The following ADAM2 variants were observed in gnomAD, a reference collection of about 807,000 sequenced individuals.
The protein encoded by ADAM2 is ADAM metallopeptidase domain 2, also known as disintegrin and metalloproteinase domain-containing protein 2.
A neutral mutation model predicts 99.3 loss-of-function variants in ADAM2; 101 were observed. The ratio of observed to expected loss-of-function variants is 1.02; its 90% CI spans 0.87 to 1.20. The LOEUF (loss-of-function observed/expected upper bound fraction) is 1.20, where lower values mean the gene tolerates loss of function less well. Among genes scored for constraint, ADAM2 ranks in the 50% most tolerant of loss-of-function variants. The pLI is 0.00. For missense variants in ADAM2, 948 were observed against 878.7 expected (o/e 1.08, Z -1.00); for synonymous variants, 323 against 287.6 (o/e 1.12, Z -1.25).
intron 5 of ADAM2, among the ~76,000 whole-genome samples, 181 bp from the exon 6 acceptor site, chr8:39,821,351 C>T (rs1305624357): frequency 6.6e-6 from 1 of 152,090 alleles, no homozygotes; most frequent in Non-Finnish European, 1.5e-5. Flanking sequence ...CATAGTAATG[C>T]TGTTAGCATT....
chr8:39,828,160 A>G lies in ADAM2; in HGVS notation c.189-3263T>C, dbSNP rs148622565. On this transcript the variant is annotated intron_variant, in intron 3 of 20. Coordinates refer to ENST00000265708, the MANE Select transcript of ADAM2 (RefSeq NM_001464.5). ...GATAGAAGCACAGAAATGTAGGGAGAACTAAAGATCACCAGAATTGGTAAA... is the reference window on the plus strand; with the variant it reads ...GATAGAAGCACAGAAATGTAGGGAGGACTAAAGATCACCAGAATTGGTAAA... Among the ~76,000 whole-genome samples the G allele has an allele frequency of 2.9e-3, 441 of 152,074 alleles. 3 individuals carry two copies. Among genetic ancestry groups the G allele is most frequent in the Non-Finnish European group, 4.8e-3 (323 of 67,836 alleles).
At chr8:39,792,921 C>A (rs1427221521) in intron 7 of ADAM2, among the ~76,000 whole-genome samples, 3 of 152,034 alleles carry the variant, frequency 2.0e-5, no homozygotes, top group African/African-American at 7.2e-5. Flanking sequence ...CAAACTGGGT[C>A]GGGAAGACAG....
At chr8:39,802,215 CTGGGGGGAGGGGATTCCCCT>C (rs1804245008) in intron 7 of ADAM2, among the ~76,000 whole-genome samples, 1 of 152,162 alleles carries the variant, frequency 6.6e-6, no homozygotes. Flanking sequence ...CCTCCCTTGG[CTGGGGGGAGGGGATTCCCCT>C]TCCCCGTGCG....
At chr8:39,760,488 G>A (rs1481696236) in intron 15 of ADAM2, among the ~76,000 whole-genome samples, 1 of 152,096 alleles carries the variant, frequency 6.6e-6, no homozygotes, top group Admixed American at 6.5e-5. Context: ...TTGGGAGGCC[G>A]AGGCAGGTGG....
At chr8:39,790,537 A>T (rs1013957913) in intron 7 of ADAM2, among the ~76,000 whole-genome samples, 31 of 152,126 alleles carry the variant, frequency 2.0e-4, no homozygotes, top group African/African-American at 7.5e-4. Flanking sequence ...GTAAGGGCAG[A>T]GGGATTGGGA....
At position 39,758,573 on chromosome 8, in the gene ADAM2, T is replaced by A. The variant is rs577230004; in HGVS notation, c.1613+2603A>T. 2.7e-4 allele frequency among the ~76,000 whole-genome samples: 41 copies of A among 150,448 alleles called. No individual in the cohort carries two copies. The South Asian group carries it at 2.9e-3, about 11-fold the overall frequency. ...AAAAAGTCAGTAAAAATAAAAAAAATTTAAAAAAAAAAGAAATAGTAGACA... is the reference window on the plus strand; with the variant it reads ...AAAAAGTCAGTAAAAATAAAAAAAAATTAAAAAAAAAAGAAATAGTAGACA... On this transcript the variant is annotated intron_variant, in intron 15 of 20. Coordinates refer to ENST00000265708, the MANE Select transcript of ADAM2 (RefSeq NM_001464.5).
chr8:39,771,747 A>G (rs1802788083), intron 11 of ADAM2, among the ~76,000 whole-genome samples: 1 of 152,164 alleles, frequency 6.6e-6, no homozygotes, highest in Non-Finnish European at 1.5e-5. Flanking sequence ...TCAACCTTAA[A>G]TAATGAATTT....
At position 39,799,338 on chromosome 8, in the gene ADAM2, T is replaced by C. The variant is rs146243152; in HGVS notation, c.570+10072A>G. Among the ~76,000 whole-genome samples the C allele has an allele frequency of 2.8e-3, 427 of 152,306 alleles. 2 individuals carry two copies. Among genetic ancestry groups the C allele is most frequent in the African/African-American group, 9.9e-3 (410 of 41,570 alleles). On this transcript the variant is annotated intron_variant, in intron 7 of 20. Coordinates refer to ENST00000265708, the MANE Select transcript of ADAM2 (RefSeq NM_001464.5). ...AACAGGTTGTTCAATTTCCATGACATTGTGTGGTTTTGAGTGAGTTTCTTA... is the reference window on the plus strand; with the variant it reads ...AACAGGTTGTTCAATTTCCATGACACTGTGTGGTTTTGAGTGAGTTTCTTA...
intron 3 of ADAM2, among the ~76,000 whole-genome samples, chr8:39,832,113 G>A (rs1264943034): frequency 2.0e-5 from 3 of 152,026 alleles, no homozygotes; most frequent in African/African-American, 4.8e-5. Flanking sequence ...TACTAATCTG[G>A]ATCTCTTCTC....
chr8:39,778,667 A>G (rs1803095063), intron 10 of ADAM2, among the ~76,000 whole-genome samples: 1 of 152,004 alleles, frequency 6.6e-6, no homozygotes, highest in African/African-American at 2.4e-5. Flanking sequence ...TAGGAAGAAG[A>G]AGGAGGAGGA....
intron 6 of ADAM2, 97 bp downstream of exon 6, chr8:39,820,905 T>C (rs1805150972): frequency 1.2e-5 from 9 of 742,332 alleles, no homozygotes; most frequent in Non-Finnish European, 1.5e-5. Flanking sequence ...GTTTTGGTGT[T>C]TATGGGTGTG....
At chr8:39,832,978 C>T (rs896334505) in intron 3 of ADAM2, among the ~76,000 whole-genome samples, 18 of 151,942 alleles carry the variant, frequency 1.2e-4, no homozygotes, top group Admixed American at 1.0e-3. Flanking sequence ...TCTTATATGT[C>T]TAATCATACT....
intron 16 of ADAM2, among the ~76,000 whole-genome samples, chr8:39,751,030 C>G (rs565288676): frequency 3.7e-4 from 56 of 152,214 alleles, no homozygotes; most frequent in African/African-American, 1.3e-3. Context: ...CTTTTAAAGT[C>G]AGAGAGTTAA....
chr8:39,764,947 C>G (rs930262136), intron 14 of ADAM2, among the ~76,000 whole-genome samples: 1 of 152,010 alleles, frequency 6.6e-6, no homozygotes, highest in East Asian at 1.9e-4. Flanking sequence ...CACTGGAACA[C>G]GGGAGGTGAA....
At chr8:39,833,011 A>C (rs1175726292) in intron 3 of ADAM2, among the ~76,000 whole-genome samples, 1 of 152,208 alleles carries the variant, frequency 6.6e-6, no homozygotes, top group Admixed American at 6.5e-5. Flanking sequence ...ATCTATATTA[A>C]ACATTTATAA....
intron 7 of ADAM2, among the ~76,000 whole-genome samples, chr8:39,792,151 A>G (rs952562862): frequency 1.3e-5 from 2 of 151,988 alleles, no homozygotes; most frequent in African/African-American, 4.8e-5. Context: ...TACATTCTAA[A>G]GTATCCAGTA....
chr8:39,814,660 A>G (rs1220260622), intron 6 of ADAM2, among the ~76,000 whole-genome samples: 1 of 152,092 alleles, frequency 6.6e-6, no homozygotes, highest in Non-Finnish European at 1.5e-5. Context: ...TGATTTATCC[A>G]TCAATAAATA....
At chr8:39,831,246 A>C (rs910605277) in intron 3 of ADAM2, among the ~76,000 whole-genome samples, 1 of 138,578 alleles carries the variant, frequency 7.2e-6, no homozygotes, top group Non-Finnish European at 1.6e-5. Context: ...TGCAGAAATG[A>C]AAACTCTAAA....
intron 16 of ADAM2, among the ~76,000 whole-genome samples, chr8:39,753,411 C>A (rs751114978): frequency 6.6e-5 from 10 of 151,292 alleles, no homozygotes; most frequent in African/African-American, 2.4e-4. Context: ...AAATTTGCAG[C>A]CTGATGATGC....
Sources: gnomAD v4.1 joint callset for allele counts (sites outside exome capture counted in the v4.1 genomes callset) on GRCh38, gnomAD v4.1.1 for gene constraint, MANE v1.5 for transcripts, NCBI Gene and HGNC (gene_info 2026-07-23, HGNC 2026-07-21) for gene names.